Variants in GRID2 observed in about 807,000 individuals in gnomAD.
GRID2 encodes the protein glutamate ionotropic receptor delta type subunit 2.
A neutral mutation model predicts 114.8 loss-of-function variants in GRID2; 33 were observed. The ratio of observed to expected loss-of-function variants is 0.29; its 90% CI spans 0.22 to 0.38. The LOEUF is 0.38. GRID2 is among the 10% of genes least tolerant of loss of function. The probability of loss-of-function intolerance (pLI) is 1.00; values close to 1 mark genes in which losing one functional copy is unlikely to be tolerated. For missense variants in GRID2, 1,184 were observed against 1,257.7 expected, an observed-to-expected ratio of 0.94 and a Z score of 0.89; for synonymous variants, 505 against 449.9, an observed-to-expected ratio of 1.12 and a Z score of -1.55.
intron 2 of GRID2, among the ~76,000 whole-genome samples, chr4:92,778,266 G>GTAA (rs1390463555): frequency 6.6e-6 from 1 of 151,894 alleles, no homozygotes; most frequent in African/African-American, 2.4e-5. Context: ...TGCTCTTTAT[G>GTAA]TAATGAATTT....
intron 3 of GRID2, among the ~76,000 whole-genome samples, chr4:93,097,921 T>C (rs1731364939): frequency 6.6e-6 from 1 of 151,906 alleles, no homozygotes; most frequent in African/African-American, 2.4e-5. Flanking sequence ...AAATGATACC[T>C]CTCTAAACTT....
intron 13 of GRID2, among the ~76,000 whole-genome samples, chr4:93,543,436 A>G (rs1267341699): frequency 2.6e-5 from 4 of 152,224 alleles, no homozygotes; most frequent in Non-Finnish European, 5.9e-5. Flanking sequence ...ATTGCTGTGC[A>G]TTAACACATT....
At chr4:92,649,943 A>G in intron 2 of GRID2, among the ~76,000 whole-genome samples, 1 of 152,010 alleles carries the variant, frequency 6.6e-6, no homozygotes, top group South Asian at 2.1e-4. Flanking sequence ...AATACGTTCA[A>G]CTTACAAAGG....
intron 8 of GRID2, among the ~76,000 whole-genome samples, chr4:93,297,217 A>T (rs1288813064): frequency 6.6e-6 from 1 of 152,216 alleles, no homozygotes; most frequent in Non-Finnish European, 1.5e-5. Flanking sequence ...CATAGTAGGC[A>T]TCAAGAGCAG....
chr4:93,608,296 C>CTTTTTTTTTTTTTT (rs774334616), intron 13 of GRID2, among the ~76,000 whole-genome samples: 3 of 116,988 alleles, frequency 2.6e-5, no homozygotes, highest in African/African-American at 6.9e-5. Context: ...ATTTTTTTTT[C>CTTTTTTTTTTTTTT]TTTTTTTTTT....
chr4:92,950,088 G>A (rs1304530878), intron 2 of GRID2, among the ~76,000 whole-genome samples: 3 of 152,138 alleles, frequency 2.0e-5, no homozygotes, highest in East Asian at 1.9e-4. Context: ...TTTTGGATCC[G>A]TCCTGTTTTG....
intron 1 of GRID2, among the ~76,000 whole-genome samples, chr4:92,347,475 A>C (rs967636979): frequency 2.6e-5 from 4 of 152,200 alleles, no homozygotes; most frequent in Non-Finnish European, 5.9e-5. Flanking sequence ...TGGTTGATTT[A>C]AGTACAGAAA....
chr4:93,374,835 GC>G (rs1763227204), intron 8 of GRID2, among the ~76,000 whole-genome samples: 1 of 152,146 alleles, frequency 6.6e-6, no homozygotes, highest in Non-Finnish European at 1.5e-5. Flanking sequence ...TGTAAATTTT[GC>G]ACGTTCCCTA....
chr4:92,829,470 C>T (rs554049700), intron 2 of GRID2, among the ~76,000 whole-genome samples: 82 of 152,224 alleles, frequency 5.4e-4, no homozygotes, highest in African/African-American at 1.7e-3. Context: ...GAAATAGGAA[C>T]ACCTTTACAC....
chr4:92,582,893 A>G (rs62310104), intron 1 of GRID2, among the ~76,000 whole-genome samples: 57,086 of 151,686 alleles, frequency 0.38, 10,748 homozygotes, highest in Middle Eastern at 0.46. Flanking sequence ...GAGCAGAGAC[A>G]GGAGGATCAG....
intron 2 of GRID2, among the ~76,000 whole-genome samples, chr4:92,850,867 C>CT (rs1376466442): frequency 6.6e-6 from 1 of 151,836 alleles, no homozygotes; most frequent in African/African-American, 2.4e-5. Flanking sequence ...TATCCAGAGA[C>CT]TTTAAGTGAG....
At chr4:93,443,752 AAAC>A (rs1721837393) in intron 10 of GRID2, among the ~76,000 whole-genome samples, 1 of 151,952 alleles carries the variant, frequency 6.6e-6, no homozygotes, top group Admixed American at 6.6e-5. Flanking sequence ...TATGGAAAAA[AAAC>A]CTTTAAGTCA....
chr4:92,683,053 ACTTTGGGAG>A (rs1733723748), intron 2 of GRID2, among the ~76,000 whole-genome samples: 1 of 152,178 alleles, frequency 6.6e-6, no homozygotes, highest in Admixed American at 6.5e-5. Flanking sequence ...TAATCCCAGC[ACTTTGGGAG>A]GCCAAGGCGG....
intron 2 of GRID2, among the ~76,000 whole-genome samples, chr4:92,824,248 T>C (rs1338837538): frequency 6.6e-6 from 1 of 152,152 alleles, no homozygotes; most frequent in Non-Finnish European, 1.5e-5. Context: ...GTTCTTATAT[T>C]TGTTGGAGGT....
At chr4:92,611,823 A>C (rs1017715788) in intron 2 of GRID2, among the ~76,000 whole-genome samples, 1 of 151,510 alleles carries the variant, frequency 6.6e-6, no homozygotes, top group Non-Finnish European at 1.5e-5. Flanking sequence ...CCAATCATGC[A>C]TACATATTTA....
intron 8 of GRID2, among the ~76,000 whole-genome samples, chr4:93,297,418 A>C (rs1369277838): frequency 6.6e-6 from 1 of 152,170 alleles, no homozygotes; most frequent in African/African-American, 2.4e-5. Flanking sequence ...AAGAGTAATT[A>C]CTCATAGGAT....
At chr4:93,283,550 A>G (rs1279892470) in intron 8 of GRID2, among the ~76,000 whole-genome samples, 1 of 152,040 alleles carries the variant, frequency 6.6e-6, no homozygotes, top group East Asian at 1.9e-4. Context: ...AAAAATGCCA[A>G]ATTTTTATAA....
At chr4:93,681,169 C>T (rs1360615929) in intron 14 of GRID2, among the ~76,000 whole-genome samples, 1 of 151,288 alleles carries the variant, frequency 6.6e-6, no homozygotes, top group Non-Finnish European at 1.5e-5. Flanking sequence ...GAGTGAACTC[C>T]CATTCACAAT....
At chr4:93,246,627 G>T in intron 8 of GRID2, among the ~76,000 whole-genome samples, 1 of 151,046 alleles carries the variant, frequency 6.6e-6, no homozygotes. Flanking sequence ...ATATTATGAA[G>T]TAATAGTATG....
Sources: allele counts gnomAD v4.1 joint callset (sites outside exome capture counted in the v4.1 genomes callset), GRCh38; gene constraint gnomAD v4.1.1; transcripts MANE v1.5; gene names NCBI Gene and HGNC (gene_info 2026-07-23, HGNC 2026-07-21).